The following NCKAP5 variants were observed in gnomAD, a reference collection of about 807,000 sequenced individuals.
NCKAP5 encodes the protein NCK associated protein 5.
Under a neutral mutation model 167.0 loss-of-function variants are expected in NCKAP5, and 92 were observed. The observed-to-expected ratio is 0.55, with a 90% CI of 0.47 to 0.66. The LOEUF is 0.66. Among genes scored for constraint, NCKAP5 ranks in the 30% least tolerant of loss-of-function variants. NCKAP5 has a pLI of 0.00. For missense variants in NCKAP5, 2,378 were observed against 2,315.0 expected, an observed-to-expected ratio of 1.03 and a Z score of -0.56; for synonymous variants, 891 against 877.4, an observed-to-expected ratio of 1.02 and a Z score of -0.27.
chr2:133,560,630 G>C (rs796642261), intron 1 of NCKAP5, among the ~76,000 whole-genome samples: 21 of 152,234 alleles, frequency 1.4e-4, no homozygotes, highest in African/African-American at 4.8e-4. Context: ...GGTAGGAAGA[G>C]AACAGCTCTG....
chr2:132,793,435 T>C (rs1343739864), intron 12 of NCKAP5, among the ~76,000 whole-genome samples: 2 of 152,208 alleles, frequency 1.3e-5, no homozygotes, highest in African/African-American at 4.8e-5. Context: ...TTTCACACTT[T>C]AACGTGAACT....
At chr2:133,360,160 T>C (rs1043924102) in intron 3 of NCKAP5, among the ~76,000 whole-genome samples, 1 of 152,166 alleles carries the variant, frequency 6.6e-6, no homozygotes, top group African/African-American at 2.4e-5. Context: ...TTCAGGATCA[T>C]GATTGATTTT....
chr2:133,577,920 C>T, the NCKAP5 span, among the ~76,000 whole-genome samples: 1 of 152,156 alleles, frequency 6.6e-6, no homozygotes. Context: ...TTCCAGGTGG[C>T]TTAGAAAAGG....
the NCKAP5 span, among the ~76,000 whole-genome samples, chr2:133,654,377 CAAATAAATAAAT>C: frequency 2.6e-3 from 382 of 146,782 alleles, 3 homozygotes; most frequent in African/African-American, 9.2e-3. Context: ...GACTCTATCT[CAAATAAATAAAT>C]AAATAAATAA....
intron 6 of NCKAP5, among the ~76,000 whole-genome samples, chr2:133,085,968 G>A (rs1213229566): frequency 6.6e-6 from 1 of 152,122 alleles, no homozygotes; most frequent in Non-Finnish European, 1.5e-5. Context: ...CAACCAGGAA[G>A]TGCAAAAATT....
chr2:133,364,804 G>A (rs1007579501), intron 3 of NCKAP5, among the ~76,000 whole-genome samples: 1 of 151,776 alleles, frequency 6.6e-6, no homozygotes, highest in East Asian at 1.9e-4. Context: ...ACCCAGGCTG[G>A]AGTGCTGTAG....
chr2:133,353,793 C>T (rs972647818), intron 3 of NCKAP5, among the ~76,000 whole-genome samples: 1 of 152,176 alleles, frequency 6.6e-6, no homozygotes, highest in African/African-American at 2.4e-5. Context: ...GACAGTCAAA[C>T]TCCTGGGGAA....
chr2:132,851,473 T>C (rs550949239), intron 11 of NCKAP5, among the ~76,000 whole-genome samples: 5 of 152,252 alleles, frequency 3.3e-5, no homozygotes, highest in African/African-American at 1.2e-4. Flanking sequence ...TCCCAGTGTA[T>C]TTCTGAGCAG....
intron 5 of NCKAP5, among the ~76,000 whole-genome samples, chr2:133,213,352 A>G (rs1486931073): frequency 1.3e-5 from 2 of 152,226 alleles, no homozygotes; most frequent in African/African-American, 4.8e-5. Flanking sequence ...TCAGAACACT[A>G]AGATGGCTGT....
chr2:133,091,609 C>T (rs2081186085), intron 6 of NCKAP5, among the ~76,000 whole-genome samples: 2 of 152,104 alleles, frequency 1.3e-5, no homozygotes, highest in Admixed American at 6.5e-5. Flanking sequence ...GATGCTTGGC[C>T]AGGCGCAGTG....
chr2:133,210,957 T>C (rs908232919), intron 5 of NCKAP5, among the ~76,000 whole-genome samples: 7 of 152,080 alleles, frequency 4.6e-5, no homozygotes, highest in Admixed American at 1.3e-4. Context: ...CAGGGATCCG[T>C]TGAGACCTTG....
chr2:132,818,552 G>T (rs1362855802), intron 11 of NCKAP5, among the ~76,000 whole-genome samples: 2 of 152,192 alleles, frequency 1.3e-5, no homozygotes, highest in African/African-American at 4.8e-5. Context: ...GCTGGGCATG[G>T]TGGCGTGCGC....
At position 133,141,990 on chromosome 2, in the gene NCKAP5, T is replaced by C. The variant is rs1464590158; in HGVS notation, c.208-11879A>G. Among the ~76,000 whole-genome samples the C allele has an allele frequency of 2.0e-4, 31 of 152,156 alleles. 1 individual carries two copies. The highest frequency in any genetic ancestry group is 2.0e-3 in the Admixed American group (31 of 15,248). ...TTCAATGCTTTAGTATTTTATTTCA[T>C]ACAATTACCAAAGTTAGAAGAAATT... On this transcript the variant is annotated intron_variant, in intron 5 of 19. Coordinates refer to ENST00000409261, the MANE Select transcript of NCKAP5 (RefSeq NM_207363.3).
At chr2:133,550,448 C>T (rs934321057) in intron 2 of NCKAP5, among the ~76,000 whole-genome samples, 3 of 151,776 alleles carry the variant, frequency 2.0e-5, no homozygotes, top group Non-Finnish European at 4.4e-5. Context: ...TCAATATATG[C>T]AAATCAATAA....
intron 3 of NCKAP5, among the ~76,000 whole-genome samples, chr2:133,397,539 T>C (rs1687808261): frequency 6.6e-6 from 1 of 152,238 alleles, no homozygotes; most frequent in South Asian, 2.1e-4. Flanking sequence ...TACTACCATA[T>C]GCTTGTTGCC....
chr2:133,387,064 A>T (rs1262898895), intron 3 of NCKAP5, among the ~76,000 whole-genome samples: 2 of 152,130 alleles, frequency 1.3e-5, no homozygotes, highest in East Asian at 1.9e-4. Context: ...TAATATAGTT[A>T]TGTGTGAATT....
At chr2:133,143,539 G>T (rs1169487162) in intron 5 of NCKAP5, among the ~76,000 whole-genome samples, 1 of 152,132 alleles carries the variant, frequency 6.6e-6, no homozygotes, top group Non-Finnish European at 1.5e-5. Flanking sequence ...CTGAACTACA[G>T]CTAGTGCCAG....
chr2:133,355,044 GGTTCA>G (rs1684616821), intron 3 of NCKAP5, among the ~76,000 whole-genome samples: 1 of 152,118 alleles, frequency 6.6e-6, no homozygotes, highest in Non-Finnish European at 1.5e-5. Context: ...GAAATTTAAT[GGTTCA>G]TTGACCTTTA....
intron 6 of NCKAP5, among the ~76,000 whole-genome samples, chr2:133,080,103 A>T (rs889806449): frequency 2.6e-5 from 4 of 152,180 alleles, no homozygotes; most frequent in African/African-American, 9.7e-5. Context: ...ACTGATACAT[A>T]CAAGACCATA....
Sources: allele counts gnomAD v4.1 joint callset (sites outside exome capture counted in the v4.1 genomes callset), GRCh38; gene constraint gnomAD v4.1.1; transcripts MANE v1.5; gene names NCBI Gene and HGNC (gene_info 2026-07-23, HGNC 2026-07-21).